ACBD6: variants seen among roughly 807,000 people sequenced by gnomAD.
ACBD6 encodes acyl-CoA binding domain containing 6.
In ACBD6, 28 loss-of-function variants were observed where a neutral mutation model predicts 37.2. The observed-to-expected ratio is 0.75, with a 90% CI of 0.56 to 1.03. The LOEUF is 1.03. Ranked by LOEUF, ACBD6 falls within the 50% of genes least tolerant of loss-of-function variation. The probability of loss-of-function intolerance (pLI) is 0.00; values close to 1 mark genes in which losing one functional copy is unlikely to be tolerated. For synonymous variants in ACBD6, 113 were observed against 126.8 expected, an observed-to-expected ratio of 0.89 and a Z score of 0.73; for missense variants, 340 against 337.4, an observed-to-expected ratio of 1.01 and a Z score of -0.06.
chr1:180,455,011 C>T (rs1649861280), intron 3 of ACBD6, among the ~76,000 whole-genome samples: 1 of 152,168 alleles, frequency 6.6e-6, no homozygotes, highest in Admixed American at 6.5e-5. Context: ...CCAGCCATCC[C>T]ATTACTGGGT....
chr1:180,361,409 A>C (rs1243547614), intron 6 of ACBD6, among the ~76,000 whole-genome samples: 1 of 152,066 alleles, frequency 6.6e-6, no homozygotes, highest in Non-Finnish European at 1.5e-5. Flanking sequence ...GAATCTGTAA[A>C]GTATCTGTAA....
chr1:180,420,761 G>C (rs751274087), intron 4 of ACBD6, among the ~76,000 whole-genome samples: 29 of 152,328 alleles, frequency 1.9e-4, no homozygotes, highest in South Asian at 1.2e-3. Context: ...CAAAAGACCA[G>C]AAGACGGTGT....
chr1:180,287,590 T>TTTC, downstream of ACBD6, among the ~76,000 whole-genome samples: 1 of 148,744 alleles, frequency 6.7e-6, no homozygotes, highest in African/African-American at 2.5e-5. Flanking sequence ...TTTTTTTTTT[T>TTTC]TTTTTTTTTT....
intron 6 of ACBD6, among the ~76,000 whole-genome samples, chr1:180,333,628 T>A (rs1214202437): frequency 1.3e-5 from 2 of 152,206 alleles, no homozygotes; most frequent in South Asian, 2.1e-4. Context: ...TCAACTGAGG[T>A]ACCGGGGTCA....
rs890747547 is a variant in ACBD6 at position 180,321,621 on chromosome 1, T to C, written c.664-6899A>G. On this transcript the variant is annotated intron_variant, in intron 6 of 7. Coordinates refer to ENST00000367595, the MANE Select transcript of ACBD6 (RefSeq NM_032360.4). ...TGCTACTGATTTTTGTAAGCCAAGA[T>C]TGCACCACTGCACTTCAGCCTGGGT... Among the ~76,000 whole-genome samples the C allele has an allele frequency of 3.3e-4, 50 of 152,092 alleles. 1 individual carries two copies. Among genetic ancestry groups the C allele is most frequent in the Admixed American group, 6.6e-5 (1 of 15,262 alleles).
At chr1:180,300,745 A>C (rs1477406432) in intron 7 of ACBD6, among the ~76,000 whole-genome samples, 1 of 152,168 alleles carries the variant, frequency 6.6e-6, no homozygotes, top group Non-Finnish European at 1.5e-5. Context: ...TTAATGTATA[A>C]ACTCTTGGTG....
intron 6 of ACBD6, among the ~76,000 whole-genome samples, chr1:180,365,022 C>T (rs1214774950): frequency 6.6e-6 from 1 of 152,112 alleles, no homozygotes; most frequent in East Asian, 1.9e-4. Flanking sequence ...CATGAGCCAC[C>T]GCGCCTGGCC....
intron 3 of ACBD6, among the ~76,000 whole-genome samples, chr1:180,431,197 G>A (rs1338880473): frequency 6.6e-6 from 1 of 150,894 alleles, no homozygotes; most frequent in African/African-American, 2.4e-5. Flanking sequence ...GTGGATCACT[G>A]GGCTGAGGAA....
At chr1:180,493,268 A>ACC (rs762332363) in intron 2 of ACBD6, among the ~76,000 whole-genome samples, 10,262 of 132,992 alleles carry the variant, frequency 0.077, 933 homozygotes, top group African/African-American at 0.18. Flanking sequence ...AAAAAAAAAA[A>ACC]AAAAAAAAAA....
intron 3 of ACBD6, among the ~76,000 whole-genome samples, chr1:180,485,296 T>C (rs918305474): frequency 3.9e-5 from 6 of 152,082 alleles, no homozygotes; most frequent in African/African-American, 1.2e-4. Flanking sequence ...TAAATCTGTG[T>C]AGTGAGTTGA....
chr1:180,418,445 G>A (rs1648191909), intron 4 of ACBD6, among the ~76,000 whole-genome samples: 2 of 151,996 alleles, frequency 1.3e-5, no homozygotes, highest in Admixed American at 6.6e-5. Flanking sequence ...TGGGTGTGGT[G>A]GTGCGTGCCT....
intron 6 of ACBD6, among the ~76,000 whole-genome samples, chr1:180,358,258 C>A (rs573232154): frequency 6.6e-6 from 1 of 152,252 alleles, no homozygotes; most frequent in African/African-American, 2.4e-5. Context: ...GAAACCCTGT[C>A]TCTACTAAAA....
At chr1:180,498,392 TTC>T (rs1275286541) in intron 1 of ACBD6, among the ~76,000 whole-genome samples, 2 of 152,162 alleles carry the variant, frequency 1.3e-5, no homozygotes, top group Non-Finnish European at 2.9e-5. Context: ...CTGTGAGTTG[TTC>T]TGTTAAGTAA....
intron 5 of ACBD6, among the ~76,000 whole-genome samples, chr1:180,403,655 C>A (rs972631563): frequency 3.0e-4 from 45 of 152,212 alleles, no homozygotes; most frequent in African/African-American, 9.9e-4. Context: ...TCACAACAGT[C>A]AAAAGGTAAG....
At chr1:180,286,286 A>C (rs563515917), downstream of ACBD6, among the ~76,000 whole-genome samples, 3 of 152,330 alleles carry the variant, frequency 2.0e-5, no homozygotes, top group African/African-American at 7.2e-5. Context: ...AAATAAAATA[A>C]AAGATAAGTT....
chr1:180,281,794 C>A (rs1040109258), intron 8 of ACBD6, among the ~76,000 whole-genome samples: 2 of 151,982 alleles, frequency 1.3e-5, no homozygotes, highest in Middle Eastern at 3.4e-3. Context: ...TAAAATGGGG[C>A]CAAATCATTA....
intron 3 of ACBD6, among the ~76,000 whole-genome samples, chr1:180,475,817 T>TA (rs1256463677): frequency 2.0e-5 from 3 of 152,132 alleles, no homozygotes; most frequent in African/African-American, 7.2e-5. Flanking sequence ...AACATTCATG[T>TA]AAAAAAATAA....
exon 14 of ACBD6, chr1:180,270,772 C>CTGAT (rs1278092758): frequency 6.3e-6 from 1 of 158,202 alleles, no homozygotes; most frequent in Non-Finnish European, 1.4e-5. Flanking sequence ...TTCTCTTCAT[C>CTGAT]TGATTTCCTG....
Position 180,303,801 on chromosome 1 carries a change from A to C in ACBD6, c.694+10891T>G, listed in dbSNP as rs555847746. Among the ~76,000 whole-genome samples, 247 of 150,694 alleles carry C rather than the reference A, an allele frequency of 1.6e-3. 4 individuals carry two copies. Among genetic ancestry groups the C allele is most frequent in the African/African-American group, 5.7e-3 (237 of 41,350 alleles). On this transcript the variant is annotated intron_variant, in intron 7 of 7. Coordinates refer to ENST00000367595, the MANE Select transcript of ACBD6 (RefSeq NM_032360.4). ...TACCAAAGCCTGGCAGAGACACAAC[A>C]AAAAAAGAGAATTTTAGACCAATAT...
Sources: gnomAD v4.1 joint callset for allele counts (sites outside exome capture counted in the v4.1 genomes callset) on GRCh38, gnomAD v4.1.1 for gene constraint, MANE v1.5 for transcripts, NCBI Gene and HGNC (gene_info 2026-07-23, HGNC 2026-07-21) for gene names.